The following PPIL2 variants were observed in gnomAD, a reference collection of about 807,000 sequenced individuals.
PPIL2 encodes peptidylprolyl isomerase like 2.
A neutral mutation model predicts 75.2 loss-of-function variants in PPIL2; 50 were observed. The ratio of observed to expected loss-of-function variants is 0.66; its 90% CI spans 0.53 to 0.84. The LOEUF (loss-of-function observed/expected upper bound fraction) is 0.84, where lower values mean the gene tolerates loss of function less well. Among genes scored for constraint, PPIL2 ranks in the 40% least tolerant of loss-of-function variants. The pLI, the probability that PPIL2 is intolerant of heterozygous loss-of-function variation, is 0.00. For synonymous variants in PPIL2, 245 were observed against 258.8 expected, an observed-to-expected ratio of 0.95 and a Z score of 0.51; for missense variants, 590 against 685.0, an observed-to-expected ratio of 0.86 and a Z score of 1.55.
chr22:21,673,771 G>C (rs984402475), intron 5 of PPIL2, among the ~76,000 whole-genome samples: 7 of 152,220 alleles, frequency 4.6e-5, no homozygotes, highest in African/African-American at 1.4e-4. Context: ...GCAGAGCCTT[G>C]CTAGCCAAAC....
chr22:21,669,931 A>G lies in PPIL2; in HGVS notation c.51A>G (p.Glu17=). The G allele has an allele frequency of 1.9e-6, 3 of 1,614,042 alleles. No individual in the cohort carries two copies. Among genetic ancestry groups the G allele is most frequent in the Non-Finnish European group, 2.5e-6 (3 of 1,179,896 alleles). The change falls in exon 2 of 20, where the codon GAA becomes GAG. Residue 17 remains glutamate, a synonymous_variant. Transcript: ENST00000398831. ...QKDKMYITCA[E]YTHFYGGKKP... is the part of the protein sequence containing the mutation. The stretch of plus-strand genomic sequence containing the variant: ...TCTTCAGGTACATTACCTGTGCTGA[A>G]TACACTCACTTTTATGGTGGCAAGA...
rs754623601 is a variant in PPIL2, at chr22:21,686,496, C to G, written c.728C>G (p.Thr243Arg). 6.2e-7 allele frequency: 1 copy of G among 1,614,146 alleles called. No individual in the cohort carries two copies. Among genetic ancestry groups the G allele is most frequent in the Admixed American group, 1.7e-5 (1 of 60,026 alleles). ...TTTCCTTGGCAGGCCCACTATTCCA[C>G]AGGGAAGGTCAGCGCTTCCTTCACC... ...VDKLNAAHYS[T>R]GKVSASFTST... Residue 243 changes from threonine to arginine, a missense_variant, in exon 11 of 20, where the codon ACA becomes AGA. Transcript: ENST00000398831.
At position 21,696,610 on chromosome 22, in the gene PPIL2, C is replaced by G; in HGVS notation, c.*1120C>G. 6.7e-7 allele frequency: 1 copy of G among 1,488,696 alleles called. No homozygotes were observed. The highest frequency in any genetic ancestry group is 8.9e-7 in the Non-Finnish European group (1 of 1,122,818). The allele number at this position is 1,488,696 out of a possible 1,614,324, so 92.2% of individuals were successfully genotyped here. A position where few individuals can be genotyped will look rare whatever the true frequency, so the allele number is the denominator to read the frequency against. On this transcript the variant is annotated 3_prime_UTR_variant, in exon 20 of 20. Coordinates refer to ENST00000398831, the MANE Select transcript of PPIL2 (RefSeq NM_014337.4). ...TCAGTGTTCTCATGTCATGGACTCT[C>G]CTTGCCTGACACTTGCCTCTTGGGC...
chr22:21,694,962 T>A lies in PPIL2; in HGVS notation c.1358T>A (p.Leu453His), dbSNP rs1171279836. The change falls in exon 19 of 20, where the codon CTC becomes CAC. Residue 453 changes from leucine to histidine, a missense_variant. Coordinates refer to ENST00000398831, the MANE Select transcript of PPIL2 (RefSeq NM_014337.4). ...ATTGCGCAGGAGCGGAAGACACAGC[T>A]CAAGGTAGCCCCGGAGACCAAAGTG... ...AQIAQERKTQ[L>H]KVAPETKVKS... 1 of 1,613,732 alleles carries A rather than the reference T, an allele frequency of 6.2e-7. No homozygotes were observed. The highest frequency in any genetic ancestry group is 2.2e-5 in the East Asian group (1 of 44,886).
At position 21,684,313 on chromosome 22, in the gene PPIL2, G is replaced by A. The variant is rs546579491; in HGVS notation, c.554-440G>A. On this transcript the variant is annotated intron_variant, in intron 9 of 19. Coordinates refer to ENST00000398831, the MANE Select transcript of PPIL2 (RefSeq NM_014337.4). ...TGTAACACAAAAAAATTAGCCGGGC[G>A]TGGTGGCGGGCGCCTGTAGTCCCAG... is the stretch of plus-strand genomic sequence containing the variant. Among the ~76,000 whole-genome samples, 245 of 29,460 alleles carry A rather than the reference G, an allele frequency of 8.3e-3. 2 individuals are homozygous for A. The highest frequency in any genetic ancestry group is 0.045 in the African/African-American group (229 of 5,070). 19.3% of individuals were successfully genotyped at this position (29,460 alleles called of 152,430 possible).
chr22:21,690,384 A>G (rs567748968), intron 15 of PPIL2, among the ~76,000 whole-genome samples: 98 of 129,070 alleles, frequency 7.6e-4, no homozygotes, highest in Non-Finnish European at 8.9e-4. Flanking sequence ...CCTGTCTGGA[A>G]AAAAAAAAAA....
At chr22:21,695,240 G>C in intron 19 of PPIL2, 154 bp from the exon 20 acceptor site, 1 of 1,317,320 alleles carries the variant, frequency 7.6e-7, no homozygotes, top group Non-Finnish European at 1.0e-6. Flanking sequence ...GCCTGGCCGG[G>C]GCCTCTGTGG....
chr22:21,697,125 C>T lies in PPIL2; in HGVS notation c.*1635C>T. 2.2e-5 allele frequency: 19 copies of T among 875,902 alleles called. No individual in the cohort carries two copies. Among genetic ancestry groups the T allele is most frequent in the South Asian group, 1.9e-4 (11 of 57,322 alleles). 54.3% of individuals were successfully genotyped at this position (875,902 alleles called of 1,614,324 possible). ...GCACTGTCCTCCGCAAGGCCTGGTG[C>T]AGCCCTGGCAGTAACTGGCTTGTAA... On this transcript the variant is annotated 3_prime_UTR_variant, in exon 20 of 20. Transcript: ENST00000398831.
In PPIL2 at chr22:21,684,777, C is replaced by A; in HGVS notation, c.578C>A (p.Pro193Gln). Residue 193 changes from proline (P) to glutamine (Q), a missense_variant, in exon 10 of 20, where the codon CCG becomes CAG. Coordinates refer to ENST00000398831, the MANE Select transcript of PPIL2 (RefSeq NM_014337.4). ...DPDEEKAKQD[P>Q]SYYLKNTNAE... Reference sequence around the variant, plus strand: ...GATGAAGAGAAGGCCAAACAGGACCCGTCTTATTATCTGAAAAATACAAAT... The same window carrying A: ...GATGAAGAGAAGGCCAAACAGGACCAGTCTTATTATCTGAAAAATACAAAT... 2 of 1,614,052 alleles carry A rather than the reference C, an allele frequency of 1.2e-6. No individual in the cohort carries two copies. Among genetic ancestry groups the A allele is most frequent in the Non-Finnish European group, 1.7e-6 (2 of 1,180,014 alleles).
chr22:21,695,851 T>C lies in PPIL2; in HGVS notation c.*361T>C, dbSNP rs2067905777. The C allele has an allele frequency of 8.8e-7, 1 of 1,134,172 alleles. No individual in the cohort carries two copies. Among genetic ancestry groups the C allele is most frequent in the East Asian group, 6.6e-5 (1 of 15,154 alleles). The allele number at this position is 1,134,172 out of a possible 1,614,324, so 70.3% of individuals were successfully genotyped here. A position where few individuals can be genotyped will look rare whatever the true frequency, so the allele number is the denominator to read the frequency against. ...GTGGTTTCCTCTTTAAGACAGGGTC[T>C]TGCTCTGTTGCCCAGGCTCCAGTGC... On this transcript the variant is annotated 3_prime_UTR_variant, in exon 20 of 20. Transcript: ENST00000398831.
In PPIL2 at chr22:21,668,867, A is replaced by G. The variant is rs555874955; in HGVS notation, c.33-1046A>G. Among the ~76,000 whole-genome samples, 1,035 of 151,156 alleles carry G rather than the reference A, an allele frequency of 6.8e-3. 5 individuals carry two copies. Among genetic ancestry groups the G allele is most frequent in the Non-Finnish European group, 9.3e-3 (629 of 67,780 alleles). On this transcript the variant is annotated intron_variant, in intron 1 of 19. Coordinates refer to ENST00000398831, the MANE Select transcript of PPIL2 (RefSeq NM_014337.4). Reference sequence around the variant, plus strand: ...GCTGGGACTACAGGCGCCTGCCACCACGCCCGGCTAATTTTTTGTATTTTC... The same window carrying G: ...GCTGGGACTACAGGCGCCTGCCACCGCGCCCGGCTAATTTTTTGTATTTTC...
chr22:21,694,682 G>T lies in PPIL2; in HGVS notation c.1269+17G>T, dbSNP rs2067838598. The T allele has an allele frequency of 6.2e-7, 1 of 1,613,948 alleles. No homozygotes were observed. The stretch of plus-strand genomic sequence containing the variant: ...CGCCCTAAGGTCTGTGCCCAGGGAG[G>T]TGGGGCGTGGCGGCTGGGGGCCAGG... On this transcript the variant is annotated intron_variant, in intron 17 of 19. Transcript: ENST00000398831.
chr22:21,697,273 G>T lies in PPIL2; in HGVS notation c.*1783G>T, dbSNP rs2067974510. The T allele has an allele frequency of 4.8e-6, 2 of 417,982 alleles. No individual in the cohort carries two copies. Among genetic ancestry groups the T allele is most frequent in the Non-Finnish European group, 8.8e-6 (2 of 228,038 alleles). 25.9% of individuals were successfully genotyped at this position (417,982 alleles called of 1,614,324 possible). A position where few individuals can be genotyped will look rare whatever the true frequency, so the allele number is the denominator to read the frequency against. On this transcript the variant is annotated 3_prime_UTR_variant, in exon 20 of 20. Transcript: ENST00000398831. ...CCAGGGTACAGGTGCGGGTGGTGGG[G>T]ATGAAGGCCTGACCAGGGAGGGAGA...
At chr22:21,692,646 C>T (rs925799954) in intron 15 of PPIL2, among the ~76,000 whole-genome samples, 28 of 151,616 alleles carry the variant, frequency 1.8e-4, no homozygotes, top group Admixed American at 8.6e-4. Context: ...CCAAAGTTGG[C>T]CAGGTGCAGT....
At position 21,681,309 on chromosome 22, in the gene PPIL2, C is replaced by G. The variant is rs759327390; in HGVS notation, c.306C>G (p.His102Gln). 2.5e-6 allele frequency: 4 copies of G among 1,613,762 alleles called. No individual in the cohort carries two copies. The highest frequency in any genetic ancestry group is 1.7e-6 in the Non-Finnish European group (2 of 1,179,618). ...NFSKNSEGKY[H>Q]CPVLFTVFTN... Reference sequence around the variant, plus strand: ...GTGCCTTCTCTCTAGGGAAGTACCACTGCCCAGTGCTGTTTACCGTGTTCA... The same window carrying G: ...GTGCCTTCTCTCTAGGGAAGTACCAGTGCCCAGTGCTGTTTACCGTGTTCA... The change falls in exon 7 of 20, where the codon CAC becomes CAG. Residue 102 changes from histidine (H) to glutamine (Q), a missense_variant. Physicochemically the swap from His to Gln is conservative, Grantham distance 24 (BLOSUM62 0). Transcript: ENST00000398831.
At chr22:21,670,180 C>A in intron 2 of PPIL2, 1 of 919,578 alleles carries the variant, frequency 1.1e-6, no homozygotes, top group Non-Finnish European at 1.6e-6. Context: ...AAAATATTCC[C>A]CGATGCTGGG....
chr22:21,688,205 T>C, intron 14 of PPIL2, 99 bp downstream of exon 14: 1 of 1,473,240 alleles, frequency 6.8e-7, no homozygotes, highest in Non-Finnish European at 9.4e-7. Flanking sequence ...AGACATGGAA[T>C]CTGCTAGACC....
chr22:21,683,207 A>G lies in PPIL2; in HGVS notation c.503A>G (p.Asn168Ser), dbSNP rs1360692037. Reference protein sequence around the residue: ...LQDPTNLDKFNVSNFYHVKNN... With the variant: ...LQDPTNLDKFSVSNFYHVKNN... ...GACCCCACCAATTTGGACAAGTTCA[A>G]TGTCTCTAACTTCTATCATGTGAAG... Residue 168 changes from asparagine to serine, a missense_variant, in exon 9 of 20, where the codon AAT (asparagine) becomes AGT (serine). Transcript: ENST00000398831. 1.9e-6 allele frequency: 3 copies of G among 1,613,586 alleles called. No homozygotes were observed. Among genetic ancestry groups the G allele is most frequent in the Non-Finnish European group, 2.5e-6 (3 of 1,179,598 alleles).
downstream of PPIL2, chr22:21,699,741 T>C (rs967072075): frequency 6.5e-6 from 1 of 152,778 alleles, no homozygotes; most frequent in Admixed American, 6.5e-5. Context: ...AAATAATTCT[T>C]TTTCTTCAAG....
Sources: allele counts gnomAD v4.1 joint callset (sites outside exome capture counted in the v4.1 genomes callset), GRCh38; gene constraint gnomAD v4.1.1; transcripts MANE v1.5; gene names NCBI Gene and HGNC (gene_info 2026-07-23, HGNC 2026-07-21).